Variants in PDE3A observed in about 807,000 individuals in gnomAD.
PDE3A encodes phosphodiesterase 3A.
PDE3A carries 43 observed loss-of-function variants against 98.3 expected under a neutral mutation model. That is an observed-to-expected ratio of 0.44 (90% CI 0.34 to 0.56). The LOEUF (loss-of-function observed/expected upper bound fraction) is 0.56. Ranked by LOEUF, PDE3A falls within the 20% of genes least tolerant of loss-of-function variation. PDE3A has a pLI of 0.01. For missense variants in PDE3A, 1,427 were observed against 1,440.7 expected (o/e 0.99, Z 0.15); for synonymous variants, 663 against 567.9 (o/e 1.17, Z -2.38).
At chr12:20,593,000 G>A (rs999355951) in intron 2 of PDE3A, among the ~76,000 whole-genome samples, 1 of 152,116 alleles carries the variant, frequency 6.6e-6, no homozygotes, top group Non-Finnish European at 1.5e-5. Context: ...AACAAAAATT[G>A]TTCTCAAATG....
intron 1 of PDE3A, among the ~76,000 whole-genome samples, chr12:20,392,506 CATAAATAA>C (rs549745332): frequency 8.7e-5 from 10 of 115,094 alleles, no homozygotes; most frequent in Non-Finnish European, 1.5e-4. Context: ...GATCCTGTCT[CATAAATAA>C]ATAAATAAAT....
At chr12:20,432,040 T>C (rs1456482148) in intron 1 of PDE3A, among the ~76,000 whole-genome samples, 3 of 152,208 alleles carry the variant, frequency 2.0e-5, no homozygotes, top group African/African-American at 7.2e-5. Context: ...AGAGCAGTGA[T>C]AATGTGCCAA....
chr12:20,561,798 GTCCT>G (rs1942529043), intron 2 of PDE3A, among the ~76,000 whole-genome samples: 1 of 152,038 alleles, frequency 6.6e-6, no homozygotes, highest in African/African-American at 2.4e-5. Context: ...TCAAATACTT[GTCCT>G]ATAGAAAAAT....
Position 20,552,121 on chromosome 12 carries a change from G to A in PDE3A, c.961-4539G>A. ...CAAGAGGACCGCGGAACAGTCTTGT[G>A]ATCAGAAACTCACCAACACCAACAG... On this transcript the variant is annotated intron_variant, in intron 1 of 15. Coordinates refer to ENST00000359062, the MANE Select transcript of PDE3A (RefSeq NM_000921.5). The surrounding 1 kb of genome is among the most constrained non-coding windows in gnomAD (Gnocchi z 5.1). The A allele has an allele frequency of 1.2e-6, 2 of 1,613,424 alleles. No homozygotes were observed. The highest frequency in any genetic ancestry group is 1.7e-5 in the Admixed American group (1 of 60,030).
At chr12:20,478,721 A>G (rs1945571642) in intron 1 of PDE3A, among the ~76,000 whole-genome samples, 1 of 152,174 alleles carries the variant, frequency 6.6e-6, no homozygotes, top group Non-Finnish European at 1.5e-5. Flanking sequence ...CATAATCAGG[A>G]CAAGTGTTAA....
intron 5 of PDE3A, among the ~76,000 whole-genome samples, chr12:20,625,989 G>A (rs1363278771): frequency 6.6e-6 from 1 of 152,100 alleles, no homozygotes; most frequent in Non-Finnish European, 1.5e-5. Context: ...ATATACTTGA[G>A]AGAATGCATG....
intron 1 of PDE3A, among the ~76,000 whole-genome samples, chr12:20,500,511 T>G (rs1345728077): frequency 6.6e-6 from 1 of 152,168 alleles, no homozygotes; most frequent in East Asian, 1.9e-4. Context: ...TAATCATTTT[T>G]TATTTAGACT....
chr12:20,662,485 A>G (rs1945198150), intron 15 of PDE3A, among the ~76,000 whole-genome samples: 1 of 152,182 alleles, frequency 6.6e-6, no homozygotes, highest in South Asian at 2.1e-4. Flanking sequence ...TTAAGGTTTA[A>G]TGACTGCCCT....
At chr12:20,550,314 C>T (rs1942164305) in intron 1 of PDE3A, among the ~76,000 whole-genome samples, 1 of 152,096 alleles carries the variant, frequency 6.6e-6, no homozygotes, top group Non-Finnish European at 1.5e-5. Flanking sequence ...TAAATCATTT[C>T]ACTAGAAGCC....
chr12:20,649,787 G>C (rs1944871637), intron 13 of PDE3A, among the ~76,000 whole-genome samples: 1 of 152,066 alleles, frequency 6.6e-6, no homozygotes, highest in African/African-American at 2.4e-5. Context: ...TTGGCCAGGT[G>C]TGGTGGCGCA....
chr12:20,373,475 T>C (rs1200101039), intron 1 of PDE3A, among the ~76,000 whole-genome samples: 5 of 152,146 alleles, frequency 3.3e-5, no homozygotes, highest in African/African-American at 1.2e-4. Context: ...AATTTTTTTG[T>C]TATTGCAAAT....
chr12:20,489,360 G>C (rs1292110735), intron 1 of PDE3A, among the ~76,000 whole-genome samples: 1 of 152,182 alleles, frequency 6.6e-6, no homozygotes, highest in Non-Finnish European at 1.5e-5. Context: ...GGCAGCCCCT[G>C]ACAGCAGAAG....
intron 1 of PDE3A, among the ~76,000 whole-genome samples, chr12:20,384,262 G>C (rs542146132): frequency 6.6e-6 from 1 of 150,452 alleles, no homozygotes; most frequent in Non-Finnish European, 1.5e-5. Context: ...CCTGACATTC[G>C]GGAAAGTCAT....
At chr12:20,586,369 G>A (rs753504305) in intron 2 of PDE3A, among the ~76,000 whole-genome samples, 7 of 152,206 alleles carry the variant, frequency 4.6e-5, no homozygotes, top group South Asian at 4.2e-4. Context: ...AACCTCTCAC[G>A]TGCCCTTTAC....
chr12:20,653,409 C>G (rs1367091982), intron 14 of PDE3A, among the ~76,000 whole-genome samples: 2 of 151,964 alleles, frequency 1.3e-5, no homozygotes, highest in Non-Finnish European at 2.9e-5. Context: ...CTCTGTCACC[C>G]TGGAATGCAG....
At chr12:20,422,594 A>T (rs1010741479) in intron 1 of PDE3A, among the ~76,000 whole-genome samples, 1 of 152,212 alleles carries the variant, frequency 6.6e-6, no homozygotes, top group African/African-American at 2.4e-5. Context: ...ATTCTCTATC[A>T]GAAAAACACC....
In PDE3A at chr12:20,540,785, G is replaced by A. The variant is rs565972804; in HGVS notation, c.961-15875G>A. Among the ~76,000 whole-genome samples the A allele has an allele frequency of 3.7e-4, 57 of 152,066 alleles. No homozygotes were observed. In the Middle Eastern group the frequency reaches 0.014, roughly 36 times the overall value. ...ATTTCATTAGGAAAACTTTGGCTAG[G>A]ACATGGTGATAATGTGCAGATATTT... is the stretch of plus-strand genomic sequence containing the variant. On this transcript the variant is annotated intron_variant, in intron 1 of 15. Transcript: ENST00000359062.
intron 1 of PDE3A, among the ~76,000 whole-genome samples, chr12:20,512,258 G>T (rs1413767847): frequency 6.6e-6 from 1 of 152,032 alleles, no homozygotes; most frequent in Non-Finnish European, 1.5e-5. Context: ...AAGGGGGCTA[G>T]TGGAGGGGGC....
intron 1 of PDE3A, among the ~76,000 whole-genome samples, chr12:20,526,956 T>G (rs996363004): frequency 2.7e-5 from 4 of 149,626 alleles, no homozygotes; most frequent in African/African-American, 9.8e-5. Context: ...CTCACTCTTG[T>G]CCCCCAGGCT....
Sources: gnomAD v4.1 joint callset for allele counts (sites outside exome capture counted in the v4.1 genomes callset) on GRCh38, gnomAD v4.1.1 for gene constraint, Gnocchi (gnomAD v3.1) non-coding constraint, MANE v1.5 for transcripts, NCBI Gene and HGNC (gene_info 2026-07-23, HGNC 2026-07-21) for gene names.